Variants in FOXK1 observed in about 807,000 individuals in gnomAD.
FOXK1 encodes forkhead box protein K1.
Under a neutral mutation model 51.9 loss-of-function variants are expected in FOXK1, and 19 were observed. The ratio of observed to expected loss-of-function variants is 0.37; its 90% CI spans 0.26 to 0.54. FOXK1 has a LOEUF of 0.54. FOXK1 is among the 20% of genes least tolerant of loss of function. The pLI, the probability that FOXK1 is intolerant of heterozygous loss-of-function variation, is 0.87. For synonymous variants in FOXK1, 537 were observed against 482.6 expected (o/e 1.11, Z -1.48); for missense variants, 870 against 1,032.7 (o/e 0.84, Z 2.16).
intron 1 of FOXK1, among the ~76,000 whole-genome samples, chr7:4,721,589 C>CTTTT (rs200132324): frequency 5.3e-5 from 6 of 112,642 alleles, no homozygotes; most frequent in African/African-American, 1.2e-4. Flanking sequence ...TCTTTTTTTT[C>CTTTT]TTTTTTTTTT....
Position 4,743,733 on chromosome 7 carries a change from T to G in FOXK1, c.746+2710T>G, listed in dbSNP as rs1435186796. On this transcript the variant is annotated intron_variant, in intron 2 of 8. Transcript: ENST00000328914. This position sits in a 1 kb window ranked among gnomAD's most constrained non-coding sequence, Gnocchi z 5.3. ...CCAGAAGAGGCTGGTCCTGCTGCTT[T>G]TGGGGCGGGTAGCAAAGGCCTCAGG... is the stretch of plus-strand genomic sequence containing the variant. 2.0e-5 allele frequency among the ~76,000 whole-genome samples: 3 copies of G among 152,116 alleles called. No homozygotes were observed. The highest frequency in any genetic ancestry group is 4.8e-5 in the African/African-American group (2 of 41,406).
chr7:4,724,686 T>C lies in FOXK1; in HGVS notation c.561-16152T>C, dbSNP rs541093273. 4.0e-3 allele frequency among the ~76,000 whole-genome samples: 615 copies of C among 152,390 alleles called. 3 individuals are homozygous for C. Among genetic ancestry groups the C allele is most frequent in the African/African-American group, 0.014 (579 of 41,596 alleles). On this transcript the variant is annotated intron_variant, in intron 1 of 8. Transcript: ENST00000328914. ...CTCTGGGCTCAGCAGACAGCCAGGCTGCTTCCACTGGTCTGTGAAGCTTCT... is the reference window on the plus strand; with the variant it reads ...CTCTGGGCTCAGCAGACAGCCAGGCCGCTTCCACTGGTCTGTGAAGCTTCT...
intron 3 of FOXK1, chr7:4,754,948 C>T: frequency 1.8e-6 from 1 of 560,954 alleles, no homozygotes; most frequent in Non-Finnish European, 3.2e-6. Flanking sequence ...ATAACTTTGT[C>T]TTAGTTCATT....
rs371940486 is a variant in FOXK1 at position 4,682,885 on chromosome 7, C to T, written c.560+17C>T. 5 of 1,440,558 alleles carry T rather than the reference C, an allele frequency of 3.5e-6. No homozygotes were observed. In the South Asian group the frequency reaches 6.9e-5, roughly 20 times the overall value. 89.2% of individuals were successfully genotyped at this position (1,440,558 alleles called of 1,614,324 possible). ...GCCCAAGCAGTGAGTGGCCCCGCGA[C>T]CCCCGCCGCCCGCACCCGGGGCTCG... On this transcript the variant is annotated intron_variant, in intron 1 of 8. Coordinates refer to ENST00000328914, the MANE Select transcript of FOXK1 (RefSeq NM_001037165.2). The surrounding 1 kb of genome is among the most constrained non-coding windows in gnomAD (Gnocchi z 7.6).
At position 4,766,662 on chromosome 7, in the gene FOXK1, G is replaced by GC. The variant is rs1781014805; in HGVS notation, c.*4203dup. ...TGGGCCAGGACGGGGGCTTCACCCT[G>GC]CCCCCTCCAGACTGCCGAAGCCCCC... On this transcript the variant is annotated 3_prime_UTR_variant, in exon 9 of 9. Coordinates refer to ENST00000328914, the MANE Select transcript of FOXK1 (RefSeq NM_001037165.2). This position sits in a 1 kb window ranked among gnomAD's most constrained non-coding sequence, Gnocchi z 5.5. 6.6e-6 allele frequency: 1 copy of GC among 152,300 alleles called. No individual in the cohort carries two copies. Among genetic ancestry groups the GC allele is most frequent in the Non-Finnish European group, 1.5e-5 (1 of 68,112 alleles). 9.4% of individuals were successfully genotyped at this position (152,300 alleles called of 1,614,324 possible). A position where few individuals can be genotyped will look rare whatever the true frequency, so the allele number is the denominator to read the frequency against.
rs931527094 is a variant in FOXK1, at chr7:4,761,462, G to A, written c.1921+174G>A. ...ATGCAAAGAAAAAGAGGGTGGAAGG[G>A]GCCACCTATCATCCCAGCACCTTGG... On this transcript the variant is annotated intron_variant, in intron 8 of 8. Coordinates refer to ENST00000328914, the MANE Select transcript of FOXK1 (RefSeq NM_001037165.2). The surrounding 1 kb of genome is among the most constrained non-coding windows in gnomAD (Gnocchi z 6.2). Among the ~76,000 whole-genome samples, 1 of 152,010 alleles carries A rather than the reference G, an allele frequency of 6.6e-6. No homozygotes were observed. The highest frequency in any genetic ancestry group is 6.6e-5 in the Admixed American group (1 of 15,252).
At position 4,682,573 on chromosome 7, in the gene FOXK1, G is replaced by T; in HGVS notation, c.265G>T (p.Ala89Ser). 2.5e-6 allele frequency: 3 copies of T among 1,222,132 alleles called. No homozygotes were observed. The South Asian group carries it at 1.0e-4, about 41-fold the overall frequency. The allele number at this position is 1,222,132 out of a possible 1,614,324, so 75.7% of individuals were successfully genotyped here. ...CTCCGCGGTCGCGGGCGCGGCGCCG[G>T]CCCTGGTGGCCGCGGCGGCCGCCTC... ...GDSAVAGAAP[A>S]LVAAAAASVR... Residue 89 changes from alanine to serine, a missense_variant, in exon 1 of 9, where the codon GCC (alanine) becomes TCC (serine). Physicochemically the swap from Ala to Ser is moderately conservative, Grantham distance 99. Coordinates refer to ENST00000328914, the MANE Select transcript of FOXK1 (RefSeq NM_001037165.2). The surrounding 1 kb of genome is among the most constrained non-coding windows in gnomAD (Gnocchi z 7.6).
chr7:4,722,167 CAGG>C lies in FOXK1; in HGVS notation c.561-18667_561-18665del, dbSNP rs1279067736. Among the ~76,000 whole-genome samples, 1 of 152,166 alleles carries C rather than the reference CAGG, an allele frequency of 6.6e-6. No homozygotes were observed. Among genetic ancestry groups the C allele is most frequent in the Non-Finnish European group, 1.5e-5 (1 of 68,038 alleles). On this transcript the variant is annotated intron_variant, in intron 1 of 8. Coordinates refer to ENST00000328914, the MANE Select transcript of FOXK1 (RefSeq NM_001037165.2). The surrounding 1 kb of genome is among the most constrained non-coding windows in gnomAD (Gnocchi z 5.1). The stretch of plus-strand genomic sequence containing the variant: ...TGCCCTGATTCAGAAGATGGCGGGG[CAGG>C]AGGTGTCTGTGTCTCAGCAGATGCT...
In FOXK1 at chr7:4,729,987, C is replaced by T. The variant is rs1490672917; in HGVS notation, c.561-10851C>T. Reference sequence around the variant, plus strand: ...CCTGGGCGACAGAGCGAGACTCTGTCGAAACAATTTAAATAAAAAAAAGAA... The same window carrying T: ...CCTGGGCGACAGAGCGAGACTCTGTTGAAACAATTTAAATAAAAAAAAGAA... On this transcript the variant is annotated intron_variant, in intron 1 of 8. Coordinates refer to ENST00000328914, the MANE Select transcript of FOXK1 (RefSeq NM_001037165.2). This position sits in a 1 kb window ranked among gnomAD's most constrained non-coding sequence, Gnocchi z 6.2. 1.3e-5 allele frequency among the ~76,000 whole-genome samples: 2 copies of T among 151,946 alleles called. No individual in the cohort carries two copies. Among genetic ancestry groups the T allele is most frequent in the Non-Finnish European group, 2.9e-5 (2 of 68,006 alleles).
chr7:4,727,061 C>G (rs768348290), intron 1 of FOXK1, among the ~76,000 whole-genome samples: 1 of 152,026 alleles, frequency 6.6e-6, no homozygotes, highest in Non-Finnish European at 1.5e-5. Context: ...CCTCCTGCCT[C>G]AGTCTCCTGG....
Position 4,755,197 on chromosome 7 carries a change from C to G in FOXK1, c.904-40C>G. 1 of 1,606,250 alleles carries G rather than the reference C, an allele frequency of 6.2e-7. No individual in the cohort carries two copies. Among genetic ancestry groups the G allele is most frequent in the Non-Finnish European group, 8.5e-7 (1 of 1,174,920 alleles). ...CGGGTGGGTGGGGTAGACTCAGGGA[C>G]CTTGCTGGAGCTCATCCCGTGAGCC... On this transcript the variant is annotated intron_variant, in intron 3 of 8. Transcript: ENST00000328914. This position sits in a 1 kb window ranked among gnomAD's most constrained non-coding sequence, Gnocchi z 6.6.
Position 4,755,172 on chromosome 7 carries a change from C to A in FOXK1, c.904-65C>A. On this transcript the variant is annotated intron_variant, in intron 3 of 8. Coordinates refer to ENST00000328914, the MANE Select transcript of FOXK1 (RefSeq NM_001037165.2). This position sits in a 1 kb window ranked among gnomAD's most constrained non-coding sequence, Gnocchi z 6.6. ...GAAGGTTCCTCCCCATCAGCTGTGACGGGTGGGTGGGGTAGACTCAGGGAC... is the reference window on the plus strand; with the variant it reads ...GAAGGTTCCTCCCCATCAGCTGTGAAGGGTGGGTGGGGTAGACTCAGGGAC... The A allele has an allele frequency of 6.3e-7, 1 of 1,577,918 alleles. No homozygotes were observed. Among genetic ancestry groups the A allele is most frequent in the Non-Finnish European group, 8.6e-7 (1 of 1,156,418 alleles).
intron 1 of FOXK1, among the ~76,000 whole-genome samples, chr7:4,737,228 C>A (rs1780564200): frequency 6.6e-6 from 1 of 152,214 alleles, no homozygotes; most frequent in South Asian, 2.1e-4. Flanking sequence ...CCCATATTAA[C>A]ATAGGGACTT....
rs1213674847 is a variant in FOXK1 at position 4,705,964 on chromosome 7, A to T, written c.560+23096A>T. Among the ~76,000 whole-genome samples the T allele has an allele frequency of 2.7e-5, 3 of 112,994 alleles. No homozygotes were observed. In the East Asian group the frequency reaches 6.2e-4, roughly 23 times the overall value. 74.1% of individuals were successfully genotyped at this position (112,994 alleles called of 152,430 possible). The stretch of plus-strand genomic sequence containing the variant: ...TTCAAAATTATATATATATATGTAT[A>T]TATATATACGTATATATACGTATAT... On this transcript the variant is annotated intron_variant, in intron 1 of 8. Transcript: ENST00000328914.
chr7:4,692,105 C>G (rs998338751), intron 1 of FOXK1, among the ~76,000 whole-genome samples: 1 of 151,928 alleles, frequency 6.6e-6, no homozygotes, highest in African/African-American at 2.4e-5. Flanking sequence ...GTAATAATAA[C>G]TCTATTTCAA....
rs1323886239 is a variant in FOXK1 at position 4,729,392 on chromosome 7, C to T, written c.561-11446C>T. Among the ~76,000 whole-genome samples the T allele has an allele frequency of 6.6e-6, 1 of 152,160 alleles. No individual in the cohort carries two copies. The highest frequency in any genetic ancestry group is 1.5e-5 in the Non-Finnish European group (1 of 68,028). ...AAAGCTGTGGGAGTCACCACGGGTC[C>T]CCATGTTGGGATTGGGAAGCAGTCA... On this transcript the variant is annotated intron_variant, in intron 1 of 8. Transcript: ENST00000328914. The surrounding 1 kb of genome is among the most constrained non-coding windows in gnomAD (Gnocchi z 6.2).
At chr7:4,719,950 C>T (rs1331761613) in intron 1 of FOXK1, among the ~76,000 whole-genome samples, 1 of 152,162 alleles carries the variant, frequency 6.6e-6, no homozygotes, top group Non-Finnish European at 1.5e-5. Context: ...CTTGTGACCT[C>T]TTTATCCTCT....
rs1026993103 is a variant in FOXK1, at chr7:4,745,678, C to T, written c.746+4655C>T. 1.9e-4 allele frequency among the ~76,000 whole-genome samples: 29 copies of T among 151,934 alleles called. No homozygotes were observed. Among genetic ancestry groups the T allele is most frequent in the Non-Finnish European group, 4.1e-4 (28 of 67,996 alleles). ...CAGCACTTTGGGAGGCTGAGGCAGGCGGATCACCTGAGGTCAGGAGTTCGA... is the reference window on the plus strand; with the variant it reads ...CAGCACTTTGGGAGGCTGAGGCAGGTGGATCACCTGAGGTCAGGAGTTCGA... On this transcript the variant is annotated intron_variant, in intron 2 of 8. Transcript: ENST00000328914. This position sits in a 1 kb window ranked among gnomAD's most constrained non-coding sequence, Gnocchi z 4.3.
intron 1 of FOXK1, among the ~76,000 whole-genome samples, chr7:4,710,489 C>T (rs1016548927): frequency 5.3e-5 from 8 of 152,208 alleles, no homozygotes; most frequent in South Asian, 2.1e-4. Context: ...GCAGGAGAAT[C>T]GCTTGAAGCC....
Sources: gnomAD v4.1 joint callset for allele counts (sites outside exome capture counted in the v4.1 genomes callset) on GRCh38, gnomAD v4.1.1 for gene constraint, Gnocchi (gnomAD v3.1) non-coding constraint, MANE v1.5 for transcripts, NCBI Gene and HGNC (gene_info 2026-07-23, HGNC 2026-07-21) for gene names.